The following ZNF385D variants were observed in gnomAD, a reference collection of about 807,000 sequenced individuals.
ZNF385D encodes zinc finger protein 659.
Under a neutral mutation model 35.8 loss-of-function variants are expected in ZNF385D, and 15 were observed. That is an observed-to-expected ratio of 0.42 (90% CI 0.28 to 0.64). The LOEUF is 0.64. Ranked by LOEUF, ZNF385D falls within the 30% of genes least tolerant of loss-of-function variation. ZNF385D has a pLI of 0.23. For missense variants in ZNF385D, 474 were observed against 494.6 expected (o/e 0.96, Z 0.39); for synonymous variants, 212 against 186.8 (o/e 1.13, Z -1.10).
Position 21,751,124 on chromosome 3 carries a change from C to A in ZNF385D, c.-208G>T. On this transcript the variant is annotated 5_prime_UTR_variant, in exon 1 of 8. Transcript: ENST00000281523. ...TAAGATCCCCGGCGGCTGGAGAGTG[C>A]GCTCGGGCTGCCTGCTGCACTGCCC... 1.4e-6 allele frequency: 2 copies of A among 1,461,316 alleles called. No individual in the cohort carries two copies. The highest frequency in any genetic ancestry group is 1.8e-6 in the Non-Finnish European group (2 of 1,107,444). The allele number at this position is 1,461,316 out of a possible 1,614,324, so 90.5% of individuals were successfully genotyped here.
intron 3 of ZNF385D, among the ~76,000 whole-genome samples, chr3:21,895,132 A>G (rs947897016): frequency 6.6e-6 from 1 of 152,062 alleles, no homozygotes; most frequent in African/African-American, 2.4e-5. Flanking sequence ...TCCAAAACCC[A>G]GATTAAAAAT....
rs141921220 is a variant in ZNF385D, at chr3:22,085,239, C to T, written c.325+83578G>A. 5.4e-3 allele frequency among the ~76,000 whole-genome samples: 825 copies of T among 152,130 alleles called. 3 individuals carry two copies. The highest frequency in any genetic ancestry group is 8.9e-3 in the Non-Finnish European group (608 of 67,998). On this transcript the variant is annotated intron_variant, in intron 3 of 5. Coordinates refer to the ZNF385D transcript ENST00000494108. Reference sequence around the variant, plus strand: ...AAATAGAATTAAGATCAGAGCAGAACTGAAGGAGATAGAATCATAAAAAAC... The same window carrying T: ...AAATAGAATTAAGATCAGAGCAGAATTGAAGGAGATAGAATCATAAAAAAC...
intron 1 of ZNF385D, among the ~76,000 whole-genome samples, chr3:21,687,485 G>A (rs1275106945): frequency 6.6e-6 from 1 of 151,796 alleles, no homozygotes. Flanking sequence ...ATATACCCTC[G>A]GCCGCTACAC....
intron 3 of ZNF385D, among the ~76,000 whole-genome samples, chr3:22,047,320 G>A (rs985924875): frequency 7.9e-5 from 12 of 151,848 alleles, no homozygotes; most frequent in African/African-American, 1.7e-4. Flanking sequence ...ATATACTAAC[G>A]AAAGTGACCA....
intron 3 of ZNF385D, among the ~76,000 whole-genome samples, chr3:21,520,684 G>A (rs1241432645): frequency 6.6e-6 from 1 of 152,070 alleles, no homozygotes; most frequent in African/African-American, 2.4e-5. Context: ...AGATTGTTTT[G>A]CTTTTTAAAC....
intron 2 of ZNF385D, among the ~76,000 whole-genome samples, chr3:22,203,763 G>C (rs538573100): frequency 2.4e-4 from 36 of 152,232 alleles, no homozygotes; most frequent in African/African-American, 8.2e-4. Flanking sequence ...AAAGGAAAGA[G>C]AAAAGAAAAG....
chr3:21,685,647 A>G (rs1320225938), intron 1 of ZNF385D, among the ~76,000 whole-genome samples: 1 of 152,226 alleles, frequency 6.6e-6, no homozygotes, highest in African/African-American at 2.4e-5. Context: ...ACAAATCTCA[A>G]GGGCTCTGAA....
At chr3:21,821,089 C>G (rs186759666) in intron 3 of ZNF385D, among the ~76,000 whole-genome samples, 1 of 151,980 alleles carries the variant, frequency 6.6e-6, no homozygotes, top group African/African-American at 2.4e-5. Context: ...TACCAAACTT[C>G]AAGAAATTGA....
At chr3:21,959,686 A>G (rs1702476820) in intron 3 of ZNF385D, among the ~76,000 whole-genome samples, 1 of 152,192 alleles carries the variant, frequency 6.6e-6, no homozygotes, top group Non-Finnish European at 1.5e-5. Flanking sequence ...TACACAGAAA[A>G]GGAACCTTGG....
intron 1 of ZNF385D, among the ~76,000 whole-genome samples, chr3:21,682,319 G>C (rs1208107613): frequency 2.8e-5 from 4 of 140,860 alleles, no homozygotes. Flanking sequence ...CCAAAGCAGA[G>C]AGACAGACAT....
intron 3 of ZNF385D, among the ~76,000 whole-genome samples, chr3:21,913,112 G>A (rs751811164): frequency 4.6e-5 from 7 of 152,024 alleles, no homozygotes; most frequent in Non-Finnish European, 4.4e-5. Flanking sequence ...GAATCTTTTG[G>A]CTGGAGATGG....
At chr3:22,097,245 G>T (rs1701682243) in intron 3 of ZNF385D, among the ~76,000 whole-genome samples, 1 of 152,018 alleles carries the variant, frequency 6.6e-6, no homozygotes, top group African/African-American at 2.4e-5. Flanking sequence ...GAGGTGGTTT[G>T]TTACAGAGCA....
chr3:21,512,221 T>C (rs997402322), intron 3 of ZNF385D, among the ~76,000 whole-genome samples: 1 of 152,074 alleles, frequency 6.6e-6, no homozygotes, highest in African/African-American at 2.4e-5. Context: ...TTAATGTTTA[T>C]TTCTTGGGGG....
At chr3:22,070,384 A>G (rs1387080031) in intron 3 of ZNF385D, among the ~76,000 whole-genome samples, 1 of 152,160 alleles carries the variant, frequency 6.6e-6, no homozygotes, top group African/African-American at 2.4e-5. Flanking sequence ...TTCAAGAAAA[A>G]CATTCCTAAG....
chr3:21,446,034 C>T (rs781351852), intron 4 of ZNF385D, among the ~76,000 whole-genome samples: 21 of 152,112 alleles, frequency 1.4e-4, no homozygotes, highest in Non-Finnish European at 1.9e-4. Flanking sequence ...CTTTAGTATG[C>T]GTCAGAATCA....
chr3:22,016,535 A>G (rs1696898498), intron 3 of ZNF385D, among the ~76,000 whole-genome samples: 1 of 152,054 alleles, frequency 6.6e-6, no homozygotes, highest in African/African-American at 2.4e-5. Context: ...ACTGAATACA[A>G]AAGAGTGAGA....
chr3:21,491,016 A>C (rs1354908130), intron 4 of ZNF385D, among the ~76,000 whole-genome samples: 1 of 105,712 alleles, frequency 9.5e-6, no homozygotes, highest in Admixed American at 1.2e-4. Context: ...AGCTATAAAA[A>C]TCATCAGCTG....
intron 3 of ZNF385D, among the ~76,000 whole-genome samples, chr3:21,838,658 A>G (rs1274200001): frequency 6.6e-6 from 1 of 152,108 alleles, no homozygotes; most frequent in Non-Finnish European, 1.5e-5. Context: ...AACTGGCCTT[A>G]TCCATCTATG....
At chr3:21,987,411 T>C (rs1479686322) in intron 3 of ZNF385D, among the ~76,000 whole-genome samples, 33 of 116,754 alleles carry the variant, frequency 2.8e-4, no homozygotes, top group African/African-American at 1.4e-3. Context: ...AGTATTTTAT[T>C]TCTCCTTCAC....
Sources: allele counts gnomAD v4.1 joint callset (sites outside exome capture counted in the v4.1 genomes callset), GRCh38; gene constraint gnomAD v4.1.1; transcripts MANE v1.5; gene names NCBI Gene and HGNC (gene_info 2026-07-23, HGNC 2026-07-21).